Variants in ERICH6B observed in about 807,000 individuals in gnomAD.
The protein encoded by ERICH6B is glutamate rich 6B.
Under a neutral mutation model 80.0 loss-of-function variants are expected in ERICH6B, and 69 were observed. The observed-to-expected ratio is 0.86, with a 90% CI of 0.71 to 1.05. The LOEUF (loss-of-function observed/expected upper bound fraction) is 1.05. ERICH6B is among the 50% of genes least tolerant of loss of function. The probability of loss-of-function intolerance (pLI) is 0.00; values close to 1 mark genes in which losing one functional copy is unlikely to be tolerated. For synonymous variants in ERICH6B, 283 were observed against 291.9 expected (o/e 0.97, Z 0.31); for missense variants, 754 against 796.1 (o/e 0.95, Z 0.64).
intron 9 of ERICH6B, among the ~76,000 whole-genome samples, chr13:45,567,567 A>G (rs1593784046): frequency 6.6e-6 from 1 of 152,188 alleles, no homozygotes. Flanking sequence ...TCACTTGTCT[A>G]CCACCAAGTA....
At chr13:45,565,443 C>T (rs1874872429) in intron 9 of ERICH6B, among the ~76,000 whole-genome samples, 1 of 152,178 alleles carries the variant, frequency 6.6e-6, no homozygotes, top group African/African-American at 2.4e-5. Context: ...TGAGAGCATG[C>T]CTGCACCACA....
intron 5 of ERICH6B, among the ~76,000 whole-genome samples, chr13:45,581,766 A>C (rs928607866): frequency 1.3e-5 from 2 of 152,182 alleles, no homozygotes; most frequent in African/African-American, 2.4e-5. Context: ...TCCTAAATTC[A>C]AGACGGACAG....
At chr13:45,546,885 C>T (rs1297996599) in intron 13 of ERICH6B, among the ~76,000 whole-genome samples, 1 of 152,328 alleles carries the variant, frequency 6.6e-6, no homozygotes, top group African/African-American at 2.4e-5. Flanking sequence ...CCAAATCCTC[C>T]TCTTGCTTCC....
chr13:45,596,799 TTCCAGATCCTCTTCCTCC>T lies in ERICH6B; in HGVS notation c.189_206del (p.Asp67_Glu72del). On this transcript the variant is annotated inframe_deletion, in exon 3 of 15. Coordinates refer to ENST00000298738, the MANE Select transcript of ERICH6B (RefSeq NM_182542.3). The stretch of plus-strand genomic sequence containing the variant: ...CTTCTTTCCCCAGATACTCTTCCTC[TTCCAGATCCTCTTCCTCC>T]TCCAGATACTCTTTGTCCTCCAGAG... The T allele has an allele frequency of 6.4e-7, 1 of 1,551,356 alleles. No homozygotes were observed.
At chr13:45,604,949 T>G (rs1407453723) in intron 2 of ERICH6B, among the ~76,000 whole-genome samples, 1 of 152,060 alleles carries the variant, frequency 6.6e-6, no homozygotes, top group African/African-American at 2.4e-5. Context: ...CCAAGAAGGT[T>G]TGGATGAAAG....
intron 2 of ERICH6B, among the ~76,000 whole-genome samples, chr13:45,601,482 G>A (rs760536460): frequency 6.6e-6 from 1 of 152,140 alleles, no homozygotes; most frequent in Non-Finnish European, 1.5e-5. Flanking sequence ...CCTGGGAGAG[G>A]TGAGGAGCAC....
chr13:45,605,104 C>T (rs947168046), intron 2 of ERICH6B, among the ~76,000 whole-genome samples: 3 of 152,118 alleles, frequency 2.0e-5, no homozygotes, highest in Non-Finnish European at 4.4e-5. Context: ...GGCCCCTCCC[C>T]CTCAACTTCC....
chr13:45,585,403 C>T (rs932927419), intron 5 of ERICH6B, among the ~76,000 whole-genome samples: 7 of 152,154 alleles, frequency 4.6e-5, no homozygotes, highest in Non-Finnish European at 7.3e-5. Context: ...GTCACACTTG[C>T]GCCGTTCTGT....
intron 9 of ERICH6B, among the ~76,000 whole-genome samples, chr13:45,567,927 G>T (rs1225474110): frequency 6.6e-6 from 1 of 152,222 alleles, no homozygotes; most frequent in Non-Finnish European, 1.5e-5. Context: ...CCCAGGTCTT[G>T]ATTCCCCAGT....
chr13:45,541,638 T>C lies in ERICH6B; in HGVS notation c.1915A>G (p.Ile639Val), dbSNP rs1283916475. The C allele has an allele frequency of 6.4e-7, 1 of 1,551,096 alleles. No homozygotes were observed. The highest frequency in any genetic ancestry group is 1.4e-5 in the African/African-American group (1 of 72,980). The change falls in exon 15 of 15, where the codon ATC becomes GTC. Residue 639 changes from isoleucine to valine, a missense_variant. By Grantham distance (29) the Ile-to-Val change is conservative. Coordinates refer to ENST00000298738, the MANE Select transcript of ERICH6B (RefSeq NM_182542.3). ...GTTGGGCCGGGTTCTGCCTCCAGGA[T>C]GGTTTTCTTCTTCATTTCGCTCAGC... ...EVLSEMKKKTILEAEPGPTAQ... is the reference protein window; with the variant it reads ...EVLSEMKKKTVLEAEPGPTAQ...
chr13:45,598,105 A>G (rs530101449), intron 2 of ERICH6B, among the ~76,000 whole-genome samples: 1 of 152,252 alleles, frequency 6.6e-6, no homozygotes, highest in East Asian at 1.9e-4. Flanking sequence ...TTCTGGCCTT[A>G]TCTATCCCCA....
intron 1 of ERICH6B, among the ~76,000 whole-genome samples, chr13:45,613,438 T>C (rs907860588): frequency 3.3e-5 from 5 of 152,198 alleles, no homozygotes; most frequent in African/African-American, 2.4e-5. Flanking sequence ...TCCATGAACA[T>C]GATCAGGTGT....
intron 11 of ERICH6B, among the ~76,000 whole-genome samples, chr13:45,558,148 C>T (rs1874515171): frequency 6.6e-6 from 1 of 152,080 alleles, no homozygotes; most frequent in Non-Finnish European, 1.5e-5. Context: ...AGATCTTTTA[C>T]CTCCTTGGTC....
At chr13:45,587,008 C>T in intron 5 of ERICH6B, 55 bp downstream of exon 5, 2 of 1,510,658 alleles carry the variant, frequency 1.3e-6, no homozygotes, top group South Asian at 2.5e-5. Context: ...AACCATTCCT[C>T]CCCTGGCCCA....
At chr13:45,587,900 T>C (rs1875985210) in intron 4 of ERICH6B, among the ~76,000 whole-genome samples, 1 of 152,198 alleles carries the variant, frequency 6.6e-6, no homozygotes, top group Admixed American at 6.5e-5. Context: ...AGTTATTTCA[T>C]GTCAACTGGC....
At chr13:45,613,030 T>C (rs1949908734) in intron 1 of ERICH6B, among the ~76,000 whole-genome samples, 1 of 152,156 alleles carries the variant, frequency 6.6e-6, no homozygotes, top group South Asian at 2.1e-4. Flanking sequence ...TCCAGGATGG[T>C]GTCAGGAGTT....
At chr13:45,580,482 G>C (rs2138001286) in intron 6 of ERICH6B, 121 bp downstream of exon 6, 1 of 1,011,050 alleles carries the variant, frequency 9.9e-7, no homozygotes, top group African/African-American at 1.6e-5. Flanking sequence ...AGCCTGCTCT[G>C]TTCTAAAATG....
At chr13:45,568,239 GT>G in intron 9 of ERICH6B, 75 bp downstream of exon 9, 1 of 1,435,972 alleles carries the variant, frequency 7.0e-7, no homozygotes, top group Non-Finnish European at 9.2e-7. Flanking sequence ...TGATGGCTCA[GT>G]TTACACTTTC....
intron 7 of ERICH6B, among the ~76,000 whole-genome samples, chr13:45,578,090 A>G (rs1875496570): frequency 1.3e-5 from 2 of 152,226 alleles, no homozygotes; most frequent in African/African-American, 4.8e-5. Context: ...TTTTAGCAAG[A>G]ACCCTGCTAA....
Sources: gnomAD v4.1 joint callset for allele counts (sites outside exome capture counted in the v4.1 genomes callset) on GRCh38, gnomAD v4.1.1 for gene constraint, MANE v1.5 for transcripts, NCBI Gene and HGNC (gene_info 2026-07-23, HGNC 2026-07-21) for gene names.